The following ARHGEF10 variants were observed in gnomAD, a reference collection of about 807,000 sequenced individuals.
ARHGEF10 encodes the protein Rho guanine nucleotide exchange factor 10.
In ARHGEF10, 140 loss-of-function variants were observed where a neutral mutation model predicts 147.4. The observed-to-expected ratio is 0.95, with a 90% CI of 0.83 to 1.09. The LOEUF (loss-of-function observed/expected upper bound fraction) is 1.09. Ranked by LOEUF, ARHGEF10 falls within the 50% of genes least tolerant of loss-of-function variation. The pLI is 0.00. For missense variants in ARHGEF10, 2,222 were observed against 1,752.7 expected, an observed-to-expected ratio of 1.27 and a Z score of -4.78; for synonymous variants, 902 against 695.8, an observed-to-expected ratio of 1.30 and a Z score of -4.67.
At position 1,929,399 on chromosome 8, in the gene ARHGEF10, C is replaced by G. The variant is rs1433306174; in HGVS notation, c.3035C>G (p.Ala1012Gly). 8 of 1,612,552 alleles carry G rather than the reference C, an allele frequency of 5.0e-6. No homozygotes were observed. In the African/African-American group the frequency reaches 9.3e-5, roughly 19 times the overall value. Reference protein sequence around the residue: ...SLACTSQSLYAGLVNGAVASY... With the variant: ...SLACTSQSLYGGLVNGAVASY... ...GCTTGCACGTCTCAGAGCCTGTACG[C>G]TGGCCTGGTCAACGGGGCAGTCGCC... The change falls in exon 25 of 29, where the codon GCT becomes GGT. Residue 1012 changes from alanine to glycine, a missense_variant. Transcript: ENST00000349830.
intron 1 of ARHGEF10, 70 bp from the exon 2 acceptor site, chr8:1,843,283 C>T (rs1230908498): frequency 3.3e-6 from 4 of 1,229,036 alleles, no homozygotes; most frequent in South Asian, 1.3e-5. Context: ...TCTCTGTCGA[C>T]AGCCCTACAC....
intron 14 of ARHGEF10, among the ~76,000 whole-genome samples, chr8:1,897,406 C>T (rs1004096921): frequency 6.7e-6 from 1 of 150,152 alleles, no homozygotes; most frequent in Non-Finnish European, 1.5e-5. Context: ...CCCCTCTGGA[C>T]AGCTGTGGGC....
chr8:1,887,469 C>G (rs1463220107), intron 11 of ARHGEF10, among the ~76,000 whole-genome samples: 1 of 135,784 alleles, frequency 7.4e-6, no homozygotes, highest in Non-Finnish European at 1.6e-5. Flanking sequence ...TGTGAGGGGT[C>G]TGTGAGGAGA....
chr8:1,923,950 G>A (rs1020428071), intron 21 of ARHGEF10, 76 bp downstream of exon 21: 1 of 1,387,160 alleles, frequency 7.2e-7, no homozygotes, highest in Non-Finnish European at 1.0e-6. Context: ...GTGAGGTCAG[G>A]GTTGAGAAGG....
chr8:1,945,689 A>G (rs766923471), intron 27 of ARHGEF10, 34 bp downstream of exon 27: 8 of 1,612,634 alleles, frequency 5.0e-6, no homozygotes, highest in Non-Finnish European at 6.8e-6. Flanking sequence ...GGGATGGGAC[A>G]GCAACCGGGG....
rs1401508544 is a variant in ARHGEF10, at chr8:1,948,422, T to C, written c.3397+2767T>C. Among the ~76,000 whole-genome samples the C allele has an allele frequency of 6.6e-6, 1 of 152,240 alleles. No homozygotes were observed. The highest frequency in any genetic ancestry group is 1.5e-5 in the Non-Finnish European group (1 of 68,038). ...TTTCTCCGGCATTTCGGTACTAAGT[T>C]GGAAATAGCTCCAGCTTCACTGATT... On this transcript the variant is annotated intron_variant, in intron 27 of 28. Coordinates refer to ENST00000349830, the MANE Select transcript of ARHGEF10 (RefSeq NM_014629.4). The surrounding 1 kb of genome is among the most constrained non-coding windows in gnomAD (Gnocchi z 4.9).
At chr8:1,947,571 A>T (rs1241192861) in intron 27 of ARHGEF10, among the ~76,000 whole-genome samples, 1 of 152,074 alleles carries the variant, frequency 6.6e-6, no homozygotes, top group Non-Finnish European at 1.5e-5. Flanking sequence ...AGGCTATGAA[A>T]AGCAAAGCAG....
Position 1,909,350 on chromosome 8 carries a change from G to C in ARHGEF10, c.2023G>C (p.Val675Leu), listed in dbSNP as rs376899203. The C allele has an allele frequency of 6.2e-7, 1 of 1,614,088 alleles. No individual in the cohort carries two copies. The highest frequency in any genetic ancestry group is 8.5e-7 in the Non-Finnish European group (1 of 1,180,042). Residue 675 changes from valine (V) to leucine (L), a missense_variant, in exon 18 of 29, where the codon GTT (valine) becomes CTT (leucine). Val to Leu is a conservative substitution (Grantham distance 32). Coordinates refer to ENST00000349830, the MANE Select transcript of ARHGEF10 (RefSeq NM_014629.4). ...CCAGAGGTACTTGCTGAAGTGGAGCGTTCCACTGGGACATGTGGACGCCAT... is the reference window on the plus strand; with the variant it reads ...CCAGAGGTACTTGCTGAAGTGGAGCCTTCCACTGGGACATGTGGACGCCAT... The part of the protein sequence containing the change: ...SSQRYLLKWS[V>L]PLGHVDAIEY...
chr8:1,893,748 TA>T, intron 12 of ARHGEF10, 102 bp downstream of exon 12: 5 of 1,014,054 alleles, frequency 4.9e-6, no homozygotes, highest in Non-Finnish European at 6.1e-6. Flanking sequence ...TTATGAAACA[TA>T]ACATGCAAAT....
chr8:1,845,137 C>G (rs1410133894), intron 2 of ARHGEF10, among the ~76,000 whole-genome samples: 1 of 152,076 alleles, frequency 6.6e-6, no homozygotes, highest in Non-Finnish European at 1.5e-5. Context: ...GAGACCCTGT[C>G]TAAAAAATAA....
intron 28 of ARHGEF10, among the ~76,000 whole-genome samples, chr8:1,954,173 AC>A (rs1185966030): frequency 1.3e-5 from 2 of 151,754 alleles, no homozygotes; most frequent in African/African-American, 4.8e-5. Flanking sequence ...GGCTCACTGC[AC>A]CCTCTGCCTG....
chr8:1,933,298 G>A (rs1205538160), intron 25 of ARHGEF10, among the ~76,000 whole-genome samples: 1 of 152,148 alleles, frequency 6.6e-6, no homozygotes, highest in South Asian at 2.1e-4. Context: ...TGTAACATCT[G>A]CCCAGTTATT....
intron 21 of ARHGEF10, 66 bp downstream of exon 21, chr8:1,923,940 G>T: frequency 1.4e-6 from 2 of 1,466,368 alleles, no homozygotes; most frequent in Non-Finnish European, 1.9e-6. Context: ...GCCCACGAGG[G>T]TGAGGTCAGG....
At chr8:1,846,896 T>G (rs936694262) in intron 2 of ARHGEF10, among the ~76,000 whole-genome samples, 2 of 152,110 alleles carry the variant, frequency 1.3e-5, no homozygotes, top group Non-Finnish European at 2.9e-5. Context: ...ACATTTTGAG[T>G]GTAGGTTTTT....
chr8:1,865,578 G>T (rs1458503988), intron 5 of ARHGEF10, among the ~76,000 whole-genome samples: 1 of 152,186 alleles, frequency 6.6e-6, no homozygotes, highest in African/African-American at 2.4e-5. Context: ...AGGGCATGGG[G>T]CATCCCGCAG....
At chr8:1,927,613 A>G (rs11984967) in intron 23 of ARHGEF10, 11,166 of 152,456 alleles carry the variant, frequency 0.073, 847 homozygotes, top group African/African-American at 0.19. Flanking sequence ...TGTTGCAGCA[A>G]TGCTACTTTA....
chr8:1,914,367 A>G (rs1811597696), intron 18 of ARHGEF10, among the ~76,000 whole-genome samples: 1 of 152,240 alleles, frequency 6.6e-6, no homozygotes, highest in Non-Finnish European at 1.5e-5. Context: ...TTCTGGACAC[A>G]GTGACCGATG....
chr8:1,936,935 G>A (rs1026024471), intron 26 of ARHGEF10, among the ~76,000 whole-genome samples: 2 of 152,120 alleles, frequency 1.3e-5, no homozygotes, highest in Non-Finnish European at 2.9e-5. Context: ...CCCTGGAGAC[G>A]TGGGTTTGGT....
chr8:1,848,455 G>C (rs1316062400), intron 2 of ARHGEF10, among the ~76,000 whole-genome samples: 1 of 151,220 alleles, frequency 6.6e-6, no homozygotes, highest in Non-Finnish European at 1.5e-5. Context: ...ATTTGTCCGG[G>C]GGCTTCAGAA....
Sources: allele counts gnomAD v4.1 joint callset (sites outside exome capture counted in the v4.1 genomes callset), GRCh38; gene constraint gnomAD v4.1.1; non-coding constraint Gnocchi (gnomAD v3.1); transcripts MANE v1.5; gene names NCBI Gene and HGNC (gene_info 2026-07-23, HGNC 2026-07-21).